The following CYP27A1 variants were observed in gnomAD, a reference collection of about 807,000 sequenced individuals.
CYP27A1 encodes cytochrome P450 family 27 subfamily A member 1.
Under a neutral mutation model 58.2 loss-of-function variants are expected in CYP27A1, and 46 were observed. The observed-to-expected ratio is 0.79, with a 90% CI of 0.62 to 1.01. The LOEUF is 1.01. Ranked by LOEUF, CYP27A1 falls within the 50% of genes least tolerant of loss-of-function variation. The pLI, the probability that CYP27A1 is intolerant of heterozygous loss-of-function variation, is 0.00. For synonymous variants in CYP27A1, 274 were observed against 285.1 expected, an observed-to-expected ratio of 0.96 and a Z score of 0.39; for missense variants, 704 against 687.0, an observed-to-expected ratio of 1.02 and a Z score of -0.28.
At chr2:218,788,404 T>C (rs935832580) in intron 1 of CYP27A1, among the ~76,000 whole-genome samples, 2 of 152,228 alleles carry the variant, frequency 1.3e-5, no homozygotes, top group Non-Finnish European at 2.9e-5. Context: ...CACAGTATCA[T>C]TTCCACTGTA....
At chr2:218,788,526 CT>C (rs1030109046) in intron 1 of CYP27A1, among the ~76,000 whole-genome samples, 1 of 152,156 alleles carries the variant, frequency 6.6e-6, no homozygotes, top group Non-Finnish European at 1.5e-5. Context: ...CCACTACACC[CT>C]TTTCCTAGGA....
At chr2:218,797,755 A>G (rs1273131211) in intron 1 of CYP27A1, among the ~76,000 whole-genome samples, 1 of 152,250 alleles carries the variant, frequency 6.6e-6, no homozygotes, top group Non-Finnish European at 1.5e-5. Context: ...AAAGCCTTTT[A>G]TAACCCTTCA....
chr2:218,801,876 C>T (rs77628444), intron 1 of CYP27A1, among the ~76,000 whole-genome samples: 265 of 151,760 alleles, frequency 1.7e-3, no homozygotes, highest in Middle Eastern at 3.4e-3. Flanking sequence ...GTGAGGTGCA[C>T]AAGGCAGGTG....
In CYP27A1 at chr2:218,815,199, T is replaced by C. The variant is rs1943778250; in HGVS notation, c.*169T>C. 1.4e-6 allele frequency: 1 copy of C among 719,022 alleles called. No homozygotes were observed. Among genetic ancestry groups the C allele is most frequent in the Non-Finnish European group, 2.4e-6 (1 of 422,562 alleles). The allele number at this position is 719,022 out of a possible 1,614,324, so 44.5% of individuals were successfully genotyped here. A position where few individuals can be genotyped will look rare whatever the true frequency, so the allele number is the denominator to read the frequency against. On this transcript the variant is annotated 3_prime_UTR_variant, in exon 9 of 9. Coordinates refer to ENST00000258415, the MANE Select transcript of CYP27A1 (RefSeq NM_000784.4). ...TGAGCTTTTGCCACTTCTATCATTT[T>C]TGAGCAACTCCCTCTCAGCTAAAAG...
In CYP27A1 at chr2:218,806,951, A is replaced by ATTTTTT. The variant is rs10647379; in HGVS notation, c.256-2608_256-2603dup. 8.7e-4 allele frequency among the ~76,000 whole-genome samples: 87 copies of ATTTTTT among 100,486 alleles called. 3 individuals carry two copies. Among genetic ancestry groups the ATTTTTT allele is most frequent in the African/African-American group, 1.3e-3 (30 of 23,956 alleles). 65.9% of individuals were successfully genotyped at this position (100,486 alleles called of 152,430 possible). ...ACTTTTAGGACAGGTCTCCTAGGGA[A>ATTTTTT]TTTTTTTTTTTTTTTTTTTTTTTGA... is the stretch of plus-strand genomic sequence containing the variant. On this transcript the variant is annotated intron_variant, in intron 1 of 8. Coordinates refer to ENST00000258415, the MANE Select transcript of CYP27A1 (RefSeq NM_000784.4).
At chr2:218,796,061 T>A (rs898485955) in intron 1 of CYP27A1, among the ~76,000 whole-genome samples, 2 of 152,166 alleles carry the variant, frequency 1.3e-5, no homozygotes, top group Non-Finnish European at 2.9e-5. Context: ...GAAAGTGACA[T>A]TCTTTACTGA....
At chr2:218,807,752 G>A (rs1315098022) in intron 1 of CYP27A1, among the ~76,000 whole-genome samples, 1 of 151,882 alleles carries the variant, frequency 6.6e-6, no homozygotes, top group Non-Finnish European at 1.5e-5. Context: ...GGAATCACAG[G>A]CGCACACTGC....
At chr2:218,799,562 G>A (rs1286470488) in intron 1 of CYP27A1, among the ~76,000 whole-genome samples, 2 of 152,100 alleles carry the variant, frequency 1.3e-5, no homozygotes, top group African/African-American at 2.4e-5. Context: ...TGTTAAGGGG[G>A]CAGCCGGCAG....
intron 1 of CYP27A1, among the ~76,000 whole-genome samples, chr2:218,808,183 AG>A (rs1158724739): frequency 1.3e-5 from 2 of 152,208 alleles, no homozygotes; most frequent in East Asian, 3.8e-4. Context: ...TCCTCCAAGT[AG>A]GGATGTGTTA....
intron 2 of CYP27A1, among the ~76,000 whole-genome samples, chr2:218,811,116 G>A (rs148912237): frequency 4.9e-4 from 75 of 152,304 alleles, no homozygotes; most frequent in East Asian, 1.9e-3. Context: ...GTGACAGAGC[G>A]AGACTCTGTC....
chr2:218,784,445 C>T lies in CYP27A1; in HGVS notation c.255+2008C>T, dbSNP rs1056670855. On this transcript the variant is annotated intron_variant, in intron 1 of 8. Transcript: ENST00000258415. ...TGTCTACAGGAGGCCAAGGAAGATG[C>T]CTTCCCTCTTCACTGTTGAACTTCA... Among the ~76,000 whole-genome samples, 5 of 152,326 alleles carry T rather than the reference C, an allele frequency of 3.3e-5. No individual in the cohort carries two copies. In the South Asian group the frequency reaches 6.2e-4, roughly 19 times the overall value.
chr2:218,790,209 T>C (rs55983650), intron 1 of CYP27A1, among the ~76,000 whole-genome samples: 48,691 of 152,170 alleles, frequency 0.32, 9,378 homozygotes, highest in Non-Finnish European at 0.42. Context: ...ACATCATTCA[T>C]AGGTTATGGT....
chr2:218,806,437 G>T (rs1943651975), intron 1 of CYP27A1, among the ~76,000 whole-genome samples: 1 of 152,226 alleles, frequency 6.6e-6, no homozygotes, highest in African/African-American at 2.4e-5. Flanking sequence ...TACTTGTGGG[G>T]AGAGGCCAGG....
intron 1 of CYP27A1, among the ~76,000 whole-genome samples, chr2:218,804,528 C>A (rs544905007): frequency 4.0e-4 from 61 of 152,158 alleles, no homozygotes; most frequent in Middle Eastern, 3.4e-3. Context: ...TATTTAGGGC[C>A]CCTTGCAGTT....
At position 218,812,347 on chromosome 2, in the gene CYP27A1, A is replaced by C. The variant is rs1233067715; in HGVS notation, c.572A>C (p.Gln191Pro). 2 of 1,614,130 alleles carry C rather than the reference A, an allele frequency of 1.2e-6. No individual in the cohort carries two copies. The highest frequency in any genetic ancestry group is 2.7e-5 in the African/African-American group (2 of 74,950). The change falls in exon 3 of 9, where the codon CAG (glutamine) becomes CCG (proline). Residue 191 changes from glutamine to proline, a missense_variant. Coordinates refer to ENST00000258415, the MANE Select transcript of CYP27A1 (RefSeq NM_000784.4). ...GATGACTTTATGACTCGACTGGACC[A>C]GCTGCGGGCAGAGAGTGCTTCGGGG... ...VIDDFMTRLD[Q>P]LRAESASGNQ...
chr2:218,790,213 T>A (rs1054179641), intron 1 of CYP27A1, among the ~76,000 whole-genome samples: 1 of 152,246 alleles, frequency 6.6e-6, no homozygotes, highest in Non-Finnish European at 1.5e-5. Context: ...CATTCATAGG[T>A]TATGGTGCCT....
intron 1 of CYP27A1, chr2:218,806,127 A>G (rs1943648569): frequency 6.6e-6 from 1 of 152,248 alleles, no homozygotes; most frequent in Admixed American, 6.5e-5. Flanking sequence ...AAAGTAAGTT[A>G]ATTTGTAAAG....
chr2:218,809,437 ATGCC>A lies in CYP27A1; in HGVS notation c.256-139_256-136del, dbSNP rs1943685547. 7 of 688,360 alleles carry A rather than the reference ATGCC, an allele frequency of 1.0e-5. 1 individual carries two copies. The African/African-American group carries it at 1.7e-4, about 16-fold the overall frequency. 42.6% of individuals were successfully genotyped at this position (688,360 alleles called of 1,614,324 possible). On this transcript the variant is annotated intron_variant, in intron 1 of 8. Coordinates refer to ENST00000258415, the MANE Select transcript of CYP27A1 (RefSeq NM_000784.4). The stretch of plus-strand genomic sequence containing the variant: ...CATCCTGGTGCCTACATCATACACA[ATGCC>A]CTTTTTTTTTTTTTTTTTTTTTTGC...
At chr2:218,814,831 C>T (rs1559393666) in intron 8 of CYP27A1, 74 bp downstream of exon 8, 10 of 1,613,622 alleles carry the variant, frequency 6.2e-6, no homozygotes, top group Non-Finnish European at 8.5e-6. Flanking sequence ...GGAAGGGAGG[C>T]ACAGGGTAGG....
Sources: gnomAD v4.1 joint callset for allele counts (sites outside exome capture counted in the v4.1 genomes callset) on GRCh38, gnomAD v4.1.1 for gene constraint, MANE v1.5 for transcripts, NCBI Gene and HGNC (gene_info 2026-07-23, HGNC 2026-07-21) for gene names.